The following CABP4 variants were observed in gnomAD, a reference collection of about 807,000 sequenced individuals.
CABP4 encodes calcium-binding protein 4.
CABP4 carries 30 observed loss-of-function variants against 30.7 expected under a neutral mutation model. The ratio of observed to expected loss-of-function variants is 0.98; its 90% confidence interval spans 0.73 to 1.33. The LOEUF (loss-of-function observed/expected upper bound fraction) is 1.33, where lower values mean the gene tolerates loss of function less well. Ranked by LOEUF, CABP4 falls within the 40% of genes most tolerant of loss-of-function variation. The pLI is 0.00. For synonymous variants in CABP4, 161 were observed against 159.2 expected (o/e 1.01, Z -0.08); for missense variants, 424 against 395.5 (o/e 1.07, Z -0.61).
upstream of CABP4, chr11:67,452,683 G>C: frequency 6.3e-7 from 1 of 1,594,536 alleles, no homozygotes. Context: ...TGCGGGGCCT[G>C]TGGCCAGTGG....
chr11:67,455,608 C>G lies in CABP4; in HGVS notation c.185C>G (p.Thr62Arg). Residue 62 changes from threonine to arginine, a missense_variant, in exon 1 of 6, where the codon ACA (threonine) becomes AGA (arginine). Thr to Arg is a moderately conservative substitution (Grantham distance 71). Transcript: ENST00000325656. ...RKRTGSSGEQ[T>R]GPEAPGSSNN... ...CGCACTGGCAGCTCTGGGGAGCAGACAGGCCCCGAGGCCCCGGGGAGCAGC... is the reference window on the plus strand; with the variant it reads ...CGCACTGGCAGCTCTGGGGAGCAGAGAGGCCCCGAGGCCCCGGGGAGCAGC... The G allele has an allele frequency of 6.2e-7, 1 of 1,606,968 alleles. No individual in the cohort carries two copies. Among genetic ancestry groups the G allele is most frequent in the Non-Finnish European group, 8.5e-7 (1 of 1,177,932 alleles).
intron 3 of CABP4, among the ~76,000 whole-genome samples, chr11:67,457,037 G>A (rs1864834999): frequency 6.6e-6 from 1 of 152,250 alleles, no homozygotes; most frequent in Non-Finnish European, 1.5e-5. Context: ...AAATGGGGAT[G>A]TGATTTACAA....
upstream of CABP4, chr11:67,455,348 A>G: frequency 6.6e-7 from 1 of 1,525,216 alleles, no homozygotes; most frequent in Non-Finnish European, 8.8e-7. Flanking sequence ...GTGGGGGTGC[A>G]TAAGCAGCTT....
At chr11:67,455,907 C>A in intron 1 of CABP4, 118 bp downstream of exon 1, 1 of 1,394,948 alleles carries the variant, frequency 7.2e-7, no homozygotes, top group Non-Finnish European at 9.6e-7. Context: ...CAGACTGAGC[C>A]TGGGCTGTGG....
At chr11:67,452,432 G>A (rs755426722), upstream of CABP4, 12 of 1,612,498 alleles carry the variant, frequency 7.4e-6, no homozygotes, top group East Asian at 1.1e-4. Context: ...TGTCCCCAGC[G>A]GCCAGTGTCC....
Position 67,455,580 on chromosome 11 carries a change from A to G in CABP4, c.157A>G (p.Lys53Glu). 2 of 1,604,386 alleles carry G rather than the reference A, an allele frequency of 1.2e-6. No homozygotes were observed. Among genetic ancestry groups the G allele is most frequent in the Non-Finnish European group, 8.5e-7 (1 of 1,176,804 alleles). Residue 53 changes from lysine (K) to glutamate (E), a missense_variant, in exon 1 of 6, where the codon AAG becomes GAG. Coordinates refer to ENST00000325656, the MANE Select transcript of CABP4 (RefSeq NM_145200.5). ...KKERGLRGSR[K>E]RTGSSGEQTG... ...GGAGAGGGGGCTCCGAGGGTCTCGA[A>G]AGCGCACTGGCAGCTCTGGGGAGCA...
intron 4 of CABP4, 132 bp from the exon 5 acceptor site, chr11:67,458,239 C>A: frequency 1.4e-6 from 1 of 730,806 alleles, no homozygotes; most frequent in Non-Finnish European, 1.8e-6. Context: ...AGCCTGGTGA[C>A]AGAGCAAGAC....
chr11:67,452,974 G>A (rs1397481886), upstream of CABP4: 3 of 420,290 alleles, frequency 7.1e-6, no homozygotes, highest in Admixed American at 7.9e-5. Context: ...GTGAAGGTAG[G>A]AAGGGAGGTG....
Position 67,458,479 on chromosome 11 carries a change from G to T in CABP4, c.760G>T (p.Glu254Ter). The T allele has an allele frequency of 6.2e-7, 1 of 1,614,062 alleles. No homozygotes were observed. ...TCCTGAGCTGGACGAGATGCTCCGAGAAGTGGACCTCAATGGGGATGGCAC... is the reference window on the plus strand; with the variant it reads ...TCCTGAGCTGGACGAGATGCTCCGATAAGTGGACCTCAATGGGGATGGCAC... The part of the protein sequence containing the change: ...AGPELDEMLR[E>*]VDLNGDGTVD... Residue 254 changes from glutamate (E) to a stop codon, truncating the protein, a stop_gained, in exon 5 of 6, where the codon GAA becomes TAA. Transcript: ENST00000325656. LOFTEE classifies it high-confidence loss of function.
In CABP4 at chr11:67,456,182, C is replaced by T. The variant is rs184388803; in HGVS notation, c.367-6C>T. 57 of 1,613,208 alleles carry T rather than the reference C, an allele frequency of 3.5e-5. No individual in the cohort carries two copies. In the African/African-American group the frequency reaches 6.5e-4, roughly 18 times the overall value. On this transcript the variant is annotated splice_region_variant and splice_polypyrimidine_tract_variant and intron_variant, in intron 1 of 5. Transcript: ENST00000325656. ...CCTGGGGACATCCTGGACTCTCCCC[C>T]TGCAGGACCGCGAACTGGGCCCCGA...
Position 67,458,368 on chromosome 11 carries a change from T to G in CABP4, c.652-3T>G. The stretch of plus-strand genomic sequence containing the variant: ...GAGGGGCTGAGCTTTGCGGGGACCT[T>G]AGTTTGACAGGGACAGGGATGGACG... On this transcript the variant is annotated splice_polypyrimidine_tract_variant and splice_region_variant and intron_variant, in intron 4 of 5. Transcript: ENST00000325656. 6.2e-7 allele frequency: 1 copy of G among 1,603,960 alleles called. No homozygotes were observed. Among genetic ancestry groups the G allele is most frequent in the Non-Finnish European group, 8.5e-7 (1 of 1,172,604 alleles).
Position 67,455,525 on chromosome 11 carries a change from G to T in CABP4, c.102G>T (p.Glu34Asp), listed in dbSNP as rs536552621. 5 of 1,603,584 alleles carry T rather than the reference G, an allele frequency of 3.1e-6. No individual in the cohort carries two copies. The Admixed American group carries it at 5.2e-5, about 17-fold the overall frequency. The change falls in exon 1 of 6, where the codon GAG becomes GAT. Residue 34 changes from glutamate to aspartate, a missense_variant. Transcript: ENST00000325656. ...TGACTCCCAAGAGTGATGCAGAGGA[G>T]CCCCCGTTGACCAGGAAGAGGAGCA... ...GVVTPKSDAE[E>D]PPLTRKRSKK...
chr11:67,454,683 G>A (rs373508827), upstream of CABP4, among the ~76,000 whole-genome samples: 1 of 152,278 alleles, frequency 6.6e-6, no homozygotes, highest in East Asian at 1.9e-4. Flanking sequence ...CCCTAACCCT[G>A]GCCCAGTAGG....
At position 67,455,748 on chromosome 11, in the gene CABP4, C is replaced by T. The variant is rs1444592754; in HGVS notation, c.325C>T (p.Gln109Ter). Residue 109 changes from glutamine to a stop codon, truncating the protein, a stop_gained, in exon 1 of 6, where the codon CAG becomes TAG. Coordinates refer to ENST00000325656, the MANE Select transcript of CABP4 (RefSeq NM_145200.5). LOFTEE classifies it high-confidence loss of function. ...HRPDSLHDAA[Q>*]RTYGPLLNRV... ...TCCTGACTCCCTGCACGACGCTGCTCAGAGGACATACGGGCCCCTGCTCAA... is the reference window on the plus strand; with the variant it reads ...TCCTGACTCCCTGCACGACGCTGCTTAGAGGACATACGGGCCCCTGCTCAA... 1.3e-6 allele frequency: 2 copies of T among 1,597,882 alleles called. No individual in the cohort carries two copies. The highest frequency in any genetic ancestry group is 1.7e-6 in the Non-Finnish European group (2 of 1,173,480).
upstream of CABP4, chr11:67,453,022 T>TCGGCAGCG: frequency 3.4e-6 from 1 of 295,158 alleles, no homozygotes; most frequent in Non-Finnish European, 6.3e-6. Context: ...CTTTTCTTTT[T>TCGGCAGCG]TTTTTTTTGA....
intron 1 of CABP4, 57 bp downstream of exon 1, chr11:67,455,846 C>A: frequency 3.3e-6 from 5 of 1,535,656 alleles, no homozygotes; most frequent in South Asian, 2.4e-5. Flanking sequence ...GAGACACACC[C>A]CTTGGGCTCA....
chr11:67,456,204 C>T lies in CABP4; in HGVS notation c.383C>T (p.Pro128Leu), dbSNP rs776994162. The change falls in exon 2 of 6, where the codon CCC becomes CTC. Residue 128 changes from proline to leucine, a missense_variant. Transcript: ENST00000325656. Reference sequence around the variant, plus strand: ...CCCCTGCAGGACCGCGAACTGGGCCCCGAGGAGCTAGACGGTGAGTGGCTC... The same window carrying T: ...CCCCTGCAGGACCGCGAACTGGGCCTCGAGGAGCTAGACGGTGAGTGGCTC... Reference protein sequence around the residue: ...RVFGKDRELGPEELDELQAAF... With the variant: ...RVFGKDRELGLEELDELQAAF... 2 of 1,613,398 alleles carry T rather than the reference C, an allele frequency of 1.2e-6. No individual in the cohort carries two copies. The highest frequency in any genetic ancestry group is 2.2e-5 in the East Asian group (1 of 44,860).
intron 4 of CABP4, 133 bp from the exon 5 acceptor site, chr11:67,458,238 A>G: frequency 2.8e-6 from 2 of 718,694 alleles, no homozygotes; most frequent in Non-Finnish European, 3.7e-6. Context: ...CAGCCTGGTG[A>G]CAGAGCAAGA....
At chr11:67,455,833 C>T (rs1235436144) in intron 1 of CABP4, 44 bp downstream of exon 1, 1 of 1,545,390 alleles carries the variant, frequency 6.5e-7, no homozygotes, top group African/African-American at 1.4e-5. Context: ...GGGGGTGGGG[C>T]TGGAGACACA....
Sources: gnomAD v4.1 joint callset for allele counts (sites outside exome capture counted in the v4.1 genomes callset) on GRCh38, gnomAD v4.1.1 for gene constraint, MANE v1.5 for transcripts, NCBI Gene and HGNC (gene_info 2026-07-23, HGNC 2026-07-21) for gene names.